Variants in WWOX observed in about 807,000 individuals in gnomAD.
WWOX encodes WW domain-containing oxidoreductase.
Under a neutral mutation model 46.2 loss-of-function variants are expected in WWOX, and 69 were observed. The observed-to-expected ratio is 1.49, with a 90% CI of 1.23 to 1.82. The LOEUF is 1.82. Among genes scored for constraint, WWOX ranks in the 40% most tolerant of loss-of-function variants. The pLI, the probability that WWOX is intolerant of heterozygous loss-of-function variation, is 0.00. For synonymous variants in WWOX, 359 were observed against 202.6 expected (o/e 1.77, Z -6.56); for missense variants, 919 against 542.6 (o/e 1.69, Z -6.89).
At chr16:78,105,321 G>T (rs1028214858) in intron 1 of WWOX, among the ~76,000 whole-genome samples, 3 of 152,124 alleles carry the variant, frequency 2.0e-5, no homozygotes, top group African/African-American at 7.2e-5. Flanking sequence ...AATTATCCCG[G>T]CATGGTGGCA....
rs147485526 is a variant in WWOX, at chr16:78,543,825, C to A, written c.1056+111073C>A. Among the ~76,000 whole-genome samples the A allele has an allele frequency of 4.6e-5, 7 of 152,246 alleles. 1 individual carries two copies. The highest frequency in any genetic ancestry group is 4.6e-4 in the Admixed American group (7 of 15,300). ...CCATAAATTGCATCTCCCGCAGGGC[C>A]TGATAGGTGCCCTGTCTTCCTGCTT... On this transcript the variant is annotated intron_variant, in intron 8 of 8. Transcript: ENST00000566780.
At chr16:78,250,960 C>G (rs546859542) in intron 5 of WWOX, among the ~76,000 whole-genome samples, 2 of 152,304 alleles carry the variant, frequency 1.3e-5, no homozygotes, top group South Asian at 2.1e-4. Context: ...GCACAGATGT[C>G]TGTTATATAT....
At chr16:79,155,850 T>A (rs967539552) in intron 8 of WWOX, among the ~76,000 whole-genome samples, 49 of 151,924 alleles carry the variant, frequency 3.2e-4, no homozygotes, top group African/African-American at 1.2e-3. Flanking sequence ...TATAGAGGAC[T>A]AATACATATA....
At chr16:78,949,246 C>G (rs2046009667) in intron 8 of WWOX, among the ~76,000 whole-genome samples, 1 of 152,150 alleles carries the variant, frequency 6.6e-6, no homozygotes, top group Non-Finnish European at 1.5e-5. Context: ...ACAGGAAACC[C>G]ACCTGAGCCA....
intron 5 of WWOX, among the ~76,000 whole-genome samples, chr16:78,316,923 G>A (rs1458291129): frequency 5.9e-5 from 9 of 152,110 alleles, no homozygotes; most frequent in Admixed American, 1.3e-4. Context: ...TTCATTATTC[G>A]TTTTTCCAAC....
intron 8 of WWOX, among the ~76,000 whole-genome samples, chr16:78,763,855 C>T (rs2049857276): frequency 1.3e-5 from 2 of 152,132 alleles, no homozygotes; most frequent in Admixed American, 6.6e-5. Context: ...TCTAATTGCC[C>T]TGCAGAGTTT....
At chr16:78,392,717 C>A (rs931359965) in intron 6 of WWOX, among the ~76,000 whole-genome samples, 1 of 152,142 alleles carries the variant, frequency 6.6e-6, no homozygotes, top group Non-Finnish European at 1.5e-5. Context: ...CAATCAACTT[C>A]GTGTTTAATG....
At chr16:78,493,072 C>A (rs2084825174) in intron 8 of WWOX, among the ~76,000 whole-genome samples, 1 of 152,084 alleles carries the variant, frequency 6.6e-6, no homozygotes, top group Non-Finnish European at 1.5e-5. Context: ...ACAGACTAGC[C>A]CCCTGTACAG....
intron 8 of WWOX, among the ~76,000 whole-genome samples, chr16:78,893,052 T>G (rs760354589): frequency 6.6e-6 from 1 of 152,150 alleles, no homozygotes; most frequent in Admixed American, 6.6e-5. Flanking sequence ...AAGCAGACCG[T>G]GAGGTCAGAG....
intron 8 of WWOX, among the ~76,000 whole-genome samples, chr16:78,502,442 C>T (rs770349314): frequency 1.3e-5 from 2 of 152,160 alleles, no homozygotes; most frequent in African/African-American, 2.4e-5. Context: ...ATATGTTAGT[C>T]GTCTCTTGTG....
chr16:79,037,647 C>G lies in WWOX; in HGVS notation c.1057-173961C>G, dbSNP rs150350262. On this transcript the variant is annotated intron_variant, in intron 8 of 8. Transcript: ENST00000566780. ...GGGCAGGTTGCCACACCCTCCCAAC[C>G]TCCTGCAACCTTAGTTGTTAGTGAA... is the stretch of plus-strand genomic sequence containing the variant. Among the ~76,000 whole-genome samples the G allele has an allele frequency of 9.9e-3, 1,504 of 152,306 alleles. 30 individuals carry two copies. Among genetic ancestry groups the G allele is most frequent in the African/African-American group, 0.034 (1,410 of 41,560 alleles).
At chr16:79,082,241 G>A (rs2048774051) in intron 8 of WWOX, among the ~76,000 whole-genome samples, 1 of 152,270 alleles carries the variant, frequency 6.6e-6, no homozygotes, top group African/African-American at 2.4e-5. Context: ...TGTCGCCTTG[G>A]GAAACAGAGG....
At chr16:79,098,954 T>G (rs1193376281) in intron 8 of WWOX, among the ~76,000 whole-genome samples, 1 of 152,194 alleles carries the variant, frequency 6.6e-6, no homozygotes, top group Non-Finnish European at 1.5e-5. Context: ...GAAAAGAAGT[T>G]TGTTTGATTC....
At chr16:78,877,364 G>A (rs2044255300) in intron 8 of WWOX, among the ~76,000 whole-genome samples, 1 of 151,220 alleles carries the variant, frequency 6.6e-6, no homozygotes, top group Non-Finnish European at 1.5e-5. Flanking sequence ...CCTCAGACAT[G>A]CCAGGTGTGT....
intron 5 of WWOX, among the ~76,000 whole-genome samples, chr16:78,376,862 T>G (rs2081841479): frequency 6.6e-6 from 1 of 152,308 alleles, no homozygotes; most frequent in East Asian, 1.9e-4. Context: ...ACCATCTCCC[T>G]CCATTTGAGG....
In WWOX at chr16:78,529,018, A is replaced by G. The variant is rs113190815; in HGVS notation, c.1056+96266A>G. 5.7e-4 allele frequency among the ~76,000 whole-genome samples: 82 copies of G among 143,598 alleles called. 1 individual carries two copies. Among genetic ancestry groups the G allele is most frequent in the African/African-American group, 2.1e-3 (78 of 37,974 alleles). The allele number at this position is 143,598 out of a possible 152,430, so 94.2% of individuals were successfully genotyped here. ...GCCCAGGCCGGAGTACAGTGGCACG[A>G]TCTTGGCTTACTATAGCCTTGACCT... is the stretch of plus-strand genomic sequence containing the variant. On this transcript the variant is annotated intron_variant, in intron 8 of 8. Transcript: ENST00000566780.
At chr16:79,186,699 G>A (rs1436796993) in intron 8 of WWOX, among the ~76,000 whole-genome samples, 1 of 151,960 alleles carries the variant, frequency 6.6e-6, no homozygotes, top group Non-Finnish European at 1.5e-5. Context: ...TCTCACTCCT[G>A]TAAACAGTAC....
chr16:78,940,693 T>A (rs1438584720), intron 8 of WWOX, among the ~76,000 whole-genome samples: 1 of 151,302 alleles, frequency 6.6e-6, no homozygotes, highest in Non-Finnish European at 1.5e-5. Context: ...TTTTTTTCCT[T>A]TTGAATGACC....
intron 8 of WWOX, among the ~76,000 whole-genome samples, chr16:79,200,166 T>G (rs976415393): frequency 4.6e-5 from 7 of 152,074 alleles, no homozygotes; most frequent in Non-Finnish European, 8.8e-5. Flanking sequence ...CTGTTCAAAA[T>G]CACATGACAT....
Sources: gnomAD v4.1 joint callset for allele counts (sites outside exome capture counted in the v4.1 genomes callset) on GRCh38, gnomAD v4.1.1 for gene constraint, MANE v1.5 for transcripts, NCBI Gene and HGNC (gene_info 2026-07-23, HGNC 2026-07-21) for gene names.